The following APBA1 variants were observed in gnomAD, a reference collection of about 807,000 sequenced individuals.
APBA1 encodes the protein amyloid beta precursor protein binding family A member 1.
APBA1 carries 55 observed loss-of-function variants against 86.6 expected under a neutral mutation model. The observed-to-expected ratio is 0.64, with a 90% CI of 0.51 to 0.80. The LOEUF (loss-of-function observed/expected upper bound fraction) is 0.80. Among genes scored for constraint, APBA1 ranks in the 30% least tolerant of loss-of-function variants. The pLI, the probability that APBA1 is intolerant of heterozygous loss-of-function variation, is 0.00. For synonymous variants in APBA1, 511 were observed against 493.9 expected, an observed-to-expected ratio of 1.03 and a Z score of -0.46; for missense variants, 1,090 against 1,183.0, an observed-to-expected ratio of 0.92 and a Z score of 1.15.
At chr9:69,471,841 C>T in intron 3 of APBA1, 146 bp from the exon 4 acceptor site, 2 of 654,090 alleles carry the variant, frequency 3.1e-6, no homozygotes, top group South Asian at 3.9e-5. Context: ...AAGTAAAGTG[C>T]AGATAAACAT....
chr9:69,434,064 C>T (rs770418907), intron 11 of APBA1, among the ~76,000 whole-genome samples: 8 of 152,140 alleles, frequency 5.3e-5, no homozygotes, highest in East Asian at 3.9e-4. Context: ...TGCCTGGCTT[C>T]GCCGGAAGGC....
intron 1 of APBA1, among the ~76,000 whole-genome samples, chr9:69,524,775 C>G (rs1836316478): frequency 6.6e-6 from 1 of 152,052 alleles, no homozygotes; most frequent in South Asian, 2.1e-4. Flanking sequence ...GGAAAAGACA[C>G]AGTGGAAAAA....
chr9:69,492,970 C>CA (rs1258592896), intron 2 of APBA1, among the ~76,000 whole-genome samples: 1 of 151,990 alleles, frequency 6.6e-6, no homozygotes, highest in Non-Finnish European at 1.5e-5. Context: ...AGTAATTTCA[C>CA]GTATGTAGAA....
chr9:69,560,388 C>T (rs1164029869), intron 1 of APBA1, among the ~76,000 whole-genome samples: 1 of 152,204 alleles, frequency 6.6e-6, no homozygotes, highest in South Asian at 2.1e-4. Flanking sequence ...CATGCCCACA[C>T]CACACTTAGT....
chr9:69,599,747 C>T lies in APBA1; in HGVS notation c.-70+72406G>A, dbSNP rs192589446. ...GACCTCCTGAATCACAGCCAGAGGT[C>T]TGTGTTTTCCCAAGTCTTCTAGAGG... is the stretch of plus-strand genomic sequence containing the variant. On this transcript the variant is annotated intron_variant, in intron 1 of 12. Transcript: ENST00000265381. Among the ~76,000 whole-genome samples, 3 of 152,262 alleles carry T rather than the reference C, an allele frequency of 2.0e-5. No individual in the cohort carries two copies. The East Asian group carries it at 5.8e-4, about 29-fold the overall frequency.
intron 1 of APBA1, among the ~76,000 whole-genome samples, chr9:69,557,227 G>A (rs1033780283): frequency 7.9e-5 from 12 of 152,262 alleles, no homozygotes; most frequent in African/African-American, 2.9e-4. Flanking sequence ...ACTCCACAAA[G>A]AGAATCTATG....
intron 1 of APBA1, among the ~76,000 whole-genome samples, chr9:69,660,212 C>T (rs1823724308): frequency 6.6e-6 from 1 of 152,216 alleles, no homozygotes; most frequent in African/African-American, 2.4e-5. Context: ...GAGGTATGTT[C>T]AAGGCTTTGC....
intron 8 of APBA1, among the ~76,000 whole-genome samples, chr9:69,452,649 T>C (rs953651272): frequency 1.4e-4 from 22 of 152,264 alleles, no homozygotes; most frequent in African/African-American, 4.3e-4. Flanking sequence ...GACATTCATG[T>C]GCATGCAATA....
rs147608264 is a variant in APBA1, at chr9:69,605,247, T to C, written c.-70+66906A>G. The stretch of plus-strand genomic sequence containing the variant: ...GAACAATGTTTCTGCACTTGAACGA[T>C]GGTACTAACCTCCTTTACAGTAAAA... On this transcript the variant is annotated intron_variant, in intron 1 of 12. Transcript: ENST00000265381. Among the ~76,000 whole-genome samples, 218 of 152,208 alleles carry C rather than the reference T, an allele frequency of 1.4e-3. 2 individuals carry two copies. The highest frequency in any genetic ancestry group is 4.5e-3 in the African/African-American group (187 of 41,512).
At chr9:69,576,927 T>G (rs1473726921) in intron 1 of APBA1, among the ~76,000 whole-genome samples, 1 of 152,148 alleles carries the variant, frequency 6.6e-6, no homozygotes, top group Non-Finnish European at 1.5e-5. Flanking sequence ...TTATTAAAAA[T>G]AATTTTCAAA....
intron 2 of APBA1, among the ~76,000 whole-genome samples, chr9:69,515,257 C>T (rs913274238): frequency 1.5e-4 from 23 of 152,158 alleles, no homozygotes; most frequent in Admixed American, 1.5e-3. Flanking sequence ...TCTTCACAAA[C>T]GATCAGCTGA....
chr9:69,496,879 T>C (rs1329380516), intron 2 of APBA1, among the ~76,000 whole-genome samples: 2 of 152,066 alleles, frequency 1.3e-5, no homozygotes, highest in African/African-American at 4.8e-5. Flanking sequence ...CTGGTTTCCA[T>C]TTATGAACTG....
Position 69,522,514 on chromosome 9 carries a change from C to G in APBA1, c.-69-5235G>C, listed in dbSNP as rs570485529. On this transcript the variant is annotated intron_variant, in intron 1 of 12. Coordinates refer to ENST00000265381, the MANE Select transcript of APBA1 (RefSeq NM_001163.4). ...CATCTGAGTGTGTTAATCCAATGGG[C>G]ATTTATCAGACATGTACCAGTCACT... Among the ~76,000 whole-genome samples the G allele has an allele frequency of 1.1e-4, 17 of 152,222 alleles. No homozygotes were observed. The East Asian group carries it at 2.9e-3, about 26-fold the overall frequency.
chr9:69,530,321 T>TACACAC (rs1377057202), intron 1 of APBA1, among the ~76,000 whole-genome samples: 2 of 136,260 alleles, frequency 1.5e-5, no homozygotes, highest in African/African-American at 5.5e-5. Flanking sequence ...TATATATATA[T>TACACAC]ATATATATAC....
Position 69,516,185 on chromosome 9 carries a change from C to T in APBA1, c.1026G>A (p.Lys342=), listed in dbSNP as rs1289251009. ...GEAGQRYSKE[K]RDAISLAIKD... ...TGATGGCCAGCGAGATGGCATCGCG[C>T]TTCTCCTTGCTGTACCGCTGCCCCG... The change falls in exon 2 of 13, where the codon AAG becomes AAA. Residue 342 remains lysine (K), a synonymous_variant. Coordinates refer to ENST00000265381, the MANE Select transcript of APBA1 (RefSeq NM_001163.4). This position sits in a 1 kb window ranked among gnomAD's most constrained non-coding sequence, Gnocchi z 7.3. The T allele has an allele frequency of 1.2e-6, 2 of 1,608,306 alleles. 1 individual carries two copies. The highest frequency in any genetic ancestry group is 2.2e-5 in the South Asian group (2 of 90,750).
At chr9:69,658,737 C>G (rs935823353) in intron 1 of APBA1, among the ~76,000 whole-genome samples, 3 of 152,080 alleles carry the variant, frequency 2.0e-5, no homozygotes, top group Non-Finnish European at 4.4e-5. Context: ...CTTTCCCACC[C>G]AACAGCCAGC....
intron 1 of APBA1, among the ~76,000 whole-genome samples, chr9:69,666,394 C>A (rs1196908901): frequency 6.6e-6 from 1 of 151,964 alleles, no homozygotes; most frequent in African/African-American, 2.4e-5. Flanking sequence ...TCACCCCCCA[C>A]CCACCCACTA....
At chr9:69,485,721 C>T (rs1203460675) in intron 2 of APBA1, among the ~76,000 whole-genome samples, 1 of 152,082 alleles carries the variant, frequency 6.6e-6, no homozygotes, top group Admixed American at 6.5e-5. Context: ...ATTACAAGGT[C>T]TCCTTAAGCT....
At chr9:69,652,451 C>G (rs1367927958) in intron 1 of APBA1, among the ~76,000 whole-genome samples, 2 of 152,152 alleles carry the variant, frequency 1.3e-5, no homozygotes, top group African/African-American at 4.8e-5. Flanking sequence ...TGTGTTTCCT[C>G]TGGTCACAAT....
Sources: gnomAD v4.1 joint callset for allele counts (sites outside exome capture counted in the v4.1 genomes callset) on GRCh38, gnomAD v4.1.1 for gene constraint, Gnocchi (gnomAD v3.1) non-coding constraint, MANE v1.5 for transcripts, NCBI Gene and HGNC (gene_info 2026-07-23, HGNC 2026-07-21) for gene names.